Variants in ADAMTSL1 observed in about 807,000 individuals in gnomAD.
ADAMTSL1 encodes the protein ADAMTS-like protein 1.
In ADAMTSL1, 126 loss-of-function variants were observed where a neutral mutation model predicts 201.8. The observed-to-expected ratio is 0.62, with a 90% CI of 0.54 to 0.72. The LOEUF is 0.72. Among genes scored for constraint, ADAMTSL1 ranks in the 30% least tolerant of loss-of-function variants. The pLI, the probability that ADAMTSL1 is intolerant of heterozygous loss-of-function variation, is 0.00. For synonymous variants in ADAMTSL1, 1,121 were observed against 903.4 expected (o/e 1.24, Z -4.32); for missense variants, 2,679 against 2,277.8 (o/e 1.18, Z -3.59).
intron 2 of ADAMTSL1, among the ~76,000 whole-genome samples, chr9:18,195,362 A>G (rs1194099560): frequency 6.6e-6 from 1 of 152,118 alleles, no homozygotes; most frequent in Non-Finnish European, 1.5e-5. Flanking sequence ...GTGCCAGGCT[A>G]CATGTTAGGC....
chr9:18,594,295 C>G (rs748059865), intron 4 of ADAMTSL1, among the ~76,000 whole-genome samples: 5 of 151,868 alleles, frequency 3.3e-5, no homozygotes, highest in Admixed American at 6.6e-5. Context: ...GGATTCTTTT[C>G]TTTTACCTTT....
intron 2 of ADAMTSL1, among the ~76,000 whole-genome samples, chr9:18,250,583 T>G (rs1381009305): frequency 6.6e-6 from 1 of 151,790 alleles, no homozygotes; most frequent in Non-Finnish European, 1.5e-5. Context: ...TCCCCTCCCC[T>G]CAAAGAGCAT....
chr9:18,790,571 T>C (rs1036474831), intron 19 of ADAMTSL1, among the ~76,000 whole-genome samples: 1 of 152,158 alleles, frequency 6.6e-6, no homozygotes, highest in South Asian at 2.1e-4. Context: ...CTGAAAGAGA[T>C]TATACTTGGT....
intron 2 of ADAMTSL1, among the ~76,000 whole-genome samples, chr9:18,529,470 G>A (rs900189371): frequency 6.6e-6 from 1 of 152,066 alleles, no homozygotes; most frequent in Non-Finnish European, 1.5e-5. Flanking sequence ...TCACTTTTCT[G>A]TGTATGTAAC....
At chr9:17,954,440 A>G (rs941365129) in intron 1 of ADAMTSL1, among the ~76,000 whole-genome samples, 1 of 152,166 alleles carries the variant, frequency 6.6e-6, no homozygotes, top group East Asian at 1.9e-4. Flanking sequence ...GTTATTAGCA[A>G]TTGTCTGGGA....
At chr9:17,981,863 T>C (rs1818716794) in intron 1 of ADAMTSL1, among the ~76,000 whole-genome samples, 1 of 152,150 alleles carries the variant, frequency 6.6e-6, no homozygotes, top group African/African-American at 2.4e-5. Context: ...GGGTTGCCCT[T>C]GTCACTAGGA....
rs35508872 is a variant in ADAMTSL1 at position 18,326,432 on chromosome 9, T to TAA, written c.207+162462_207+162463dup. Among the ~76,000 whole-genome samples the TAA allele has an allele frequency of 5.7e-3, 840 of 146,554 alleles. 4 individuals are homozygous for TAA. The highest frequency in any genetic ancestry group is 0.017 in the African/African-American group (664 of 39,900). ...TTTTTCCTATATGTAATTTTTTACC[T>TAA]AAAAAAAAAAAAGTGGAGATGGAGA... On this transcript the variant is annotated intron_variant, in intron 2 of 29. Coordinates refer to the ADAMTSL1 transcript ENST00000680146.
At chr9:18,656,756 T>C (rs1231949194) in intron 7 of ADAMTSL1, among the ~76,000 whole-genome samples, 1 of 152,140 alleles carries the variant, frequency 6.6e-6, no homozygotes, top group African/African-American at 2.4e-5. Flanking sequence ...ATCCTCTCAA[T>C]TGTCCTTGGA....
chr9:18,483,664 A>G (rs543154892), intron 1 of ADAMTSL1, among the ~76,000 whole-genome samples: 24 of 152,264 alleles, frequency 1.6e-4, no homozygotes, highest in African/African-American at 5.8e-4. Flanking sequence ...TATCTCTACT[A>G]AAAATACAAA....
At chr9:18,162,097 C>T (rs982182649) in intron 1 of ADAMTSL1, among the ~76,000 whole-genome samples, 8 of 151,950 alleles carry the variant, frequency 5.3e-5, no homozygotes, top group African/African-American at 9.7e-5. Flanking sequence ...TTCTCTGGTC[C>T]GTGTATTACT....
At chr9:18,618,520 G>A (rs1306811382) in intron 4 of ADAMTSL1, among the ~76,000 whole-genome samples, 1 of 135,482 alleles carries the variant, frequency 7.4e-6, no homozygotes, top group African/African-American at 2.8e-5. Flanking sequence ...TTTGAATTGG[G>A]TATACATGAA....
chr9:17,924,394 T>C (rs1482312532), intron 1 of ADAMTSL1, among the ~76,000 whole-genome samples: 1 of 152,164 alleles, frequency 6.6e-6, no homozygotes, highest in Non-Finnish European at 1.5e-5. Flanking sequence ...TTCGTCTAGA[T>C]TTTCTAGTTT....
intron 1 of ADAMTSL1, among the ~76,000 whole-genome samples, chr9:18,162,308 C>A (rs559109414): frequency 2.2e-4 from 33 of 152,040 alleles, no homozygotes; most frequent in Admixed American, 5.9e-4. Flanking sequence ...TCTCCCTCAG[C>A]CTGGAGAAAG....
intron 2 of ADAMTSL1, among the ~76,000 whole-genome samples, chr9:18,187,263 A>G (rs78880435): frequency 0.01 from 1,561 of 152,226 alleles, 33 homozygotes; most frequent in African/African-American, 0.035. Context: ...CTTATAGATG[A>G]TGGTGAAAAC....
chr9:18,546,808 C>T (rs1229112175), intron 3 of ADAMTSL1, among the ~76,000 whole-genome samples: 2 of 152,100 alleles, frequency 1.3e-5, no homozygotes, highest in African/African-American at 4.8e-5. Flanking sequence ...GCCAGATTTC[C>T]AGGCACACCA....
intron 1 of ADAMTSL1, among the ~76,000 whole-genome samples, chr9:18,106,365 G>GA (rs1824762477): frequency 6.6e-6 from 1 of 152,168 alleles, no homozygotes. Flanking sequence ...CTTATAAAGT[G>GA]AAAACCTATC....
rs923382483 is a variant in ADAMTSL1 at position 18,795,530 on chromosome 9, C to T, written c.3805+6C>T. 1.2e-6 allele frequency: 2 copies of T among 1,605,010 alleles called. No individual in the cohort carries two copies. Among genetic ancestry groups the T allele is most frequent in the East Asian group, 4.5e-5 (2 of 44,692 alleles). On this transcript the variant is annotated splice_donor_region_variant and intron_variant, in intron 20 of 28. Transcript: ENST00000380548. Reference sequence around the variant, plus strand: ...CATTGCCGTCACATTAGCAGGTAACCCAAAAATCCCTGTTCTGTTCATTTC... The same window carrying T: ...CATTGCCGTCACATTAGCAGGTAACTCAAAAATCCCTGTTCTGTTCATTTC...
chr9:18,648,628 A>G (rs961180989), intron 7 of ADAMTSL1, among the ~76,000 whole-genome samples: 5 of 151,522 alleles, frequency 3.3e-5, no homozygotes, highest in Non-Finnish European at 7.4e-5. Context: ...AAAGTATTTT[A>G]TTTCTCCTTC....
chr9:18,168,495 T>C (rs1317152993), intron 2 of ADAMTSL1, among the ~76,000 whole-genome samples: 3 of 152,060 alleles, frequency 2.0e-5, no homozygotes, highest in African/African-American at 7.2e-5. Context: ...ATGGTATATA[T>C]GTGCCACATT....
Sources: gnomAD v4.1 joint callset for allele counts (sites outside exome capture counted in the v4.1 genomes callset) on GRCh38, gnomAD v4.1.1 for gene constraint, MANE v1.5 for transcripts, NCBI Gene and HGNC (gene_info 2026-07-23, HGNC 2026-07-21) for gene names.